The following ABCB11 variants were observed in gnomAD, a reference collection of about 807,000 sequenced individuals.
The protein encoded by ABCB11 is bile salt export pump.
In ABCB11, 95 loss-of-function variants were observed where a neutral mutation model predicts 148.0. The ratio of observed to expected loss-of-function variants is 0.64; its 90% confidence interval spans 0.54 to 0.76. The LOEUF (loss-of-function observed/expected upper bound fraction) is 0.76. Among genes scored for constraint, ABCB11 ranks in the 30% least tolerant of loss-of-function variants. The probability of loss-of-function intolerance (pLI) is 0.00; values close to 1 mark genes in which losing one functional copy is unlikely to be tolerated. For missense variants in ABCB11, 1,523 were observed against 1,617.8 expected (o/e 0.94, Z 1.01); for synonymous variants, 591 against 555.4 (o/e 1.06, Z -0.90).
At chr2:168,932,763 AG>A (rs1053912562) in intron 23 of ABCB11, among the ~76,000 whole-genome samples, 2 of 152,138 alleles carry the variant, frequency 1.3e-5, no homozygotes, top group African/African-American at 4.8e-5. Context: ...ACAAGCATGA[AG>A]GGGGGAGAGC....
At chr2:169,021,631 C>CA (rs1181636593) in intron 1 of ABCB11, among the ~76,000 whole-genome samples, 2 of 151,840 alleles carry the variant, frequency 1.3e-5, no homozygotes, top group Admixed American at 6.6e-5. Flanking sequence ...ATGTAATTTA[C>CA]TACATAAAAT....
At chr2:168,932,639 C>A in intron 23 of ABCB11, 106 bp from the exon 24 acceptor site, 1 of 1,358,018 alleles carries the variant, frequency 7.4e-7, no homozygotes. Context: ...AGGAAAGGAC[C>A]AAATATCCTT....
intron 18 of ABCB11, among the ~76,000 whole-genome samples, chr2:168,961,798 A>G (rs1574436356): frequency 6.6e-6 from 1 of 151,688 alleles, no homozygotes; most frequent in Non-Finnish European, 1.5e-5. Flanking sequence ...TCTAAGTTTT[A>G]GAGTCAATAC....
chr2:168,995,308 CA>C, intron 7 of ABCB11, 40 bp downstream of exon 7: 1 of 1,562,032 alleles, frequency 6.4e-7, no homozygotes, highest in Non-Finnish European at 8.6e-7. Flanking sequence ...TTTTATTATC[CA>C]AAAATCACAC....
chr2:168,973,227 C>A (rs2389607), intron 13 of ABCB11, among the ~76,000 whole-genome samples: 2 of 151,746 alleles, frequency 1.3e-5, no homozygotes, highest in African/African-American at 2.4e-5. Context: ...GACGGGGATA[C>A]GTTCTGAGAA....
chr2:168,964,110 A>G, intron 18 of ABCB11, 96 bp downstream of exon 18: 2 of 852,810 alleles, frequency 2.3e-6, no homozygotes, highest in East Asian at 2.7e-5. Context: ...TGCTAGATAT[A>G]TACCTAGAAA....
intron 7 of ABCB11, among the ~76,000 whole-genome samples, chr2:168,995,092 C>T (rs990669214): frequency 5.3e-5 from 8 of 151,998 alleles, no homozygotes; most frequent in Non-Finnish European, 7.4e-5. Context: ...ACCTTTTTAA[C>T]TGTCTTCTAT....
In ABCB11 at chr2:169,016,816, T is replaced by C. The variant is rs1160543037; in HGVS notation, c.77-17A>G. Reference sequence around the variant, plus strand: ...CATTATTATCTGTCAGAAAAAAAAATCAACGCAAAAAAGCAGTTAATAATA... The same window carrying C: ...CATTATTATCTGTCAGAAAAAAAAACCAACGCAAAAAAGCAGTTAATAATA... On this transcript the variant is annotated splice_polypyrimidine_tract_variant and intron_variant, in intron 2 of 27. Transcript: ENST00000650372. 2 of 1,567,214 alleles carry C rather than the reference T, an allele frequency of 1.3e-6. No individual in the cohort carries two copies. The highest frequency in any genetic ancestry group is 1.7e-6 in the Non-Finnish European group (2 of 1,157,860).
chr2:168,979,828 C>T, intron 11 of ABCB11, 38 bp downstream of exon 11: 4 of 1,304,208 alleles, frequency 3.1e-6, no homozygotes, highest in Non-Finnish European at 4.4e-6. Flanking sequence ...CCCCCAGCCC[C>T]CACCTGTTAA....
intron 1 of ABCB11, among the ~76,000 whole-genome samples, chr2:169,020,965 C>CT (rs200889320): frequency 0.028 from 4,004 of 145,394 alleles, 142 homozygotes; most frequent in African/African-American, 0.087. Flanking sequence ...AAGACATACA[C>CT]TTTTTTTTTT....
intron 16 of ABCB11, 109 bp from the exon 17 acceptor site, chr2:168,968,599 C>A: frequency 1.2e-6 from 1 of 864,974 alleles, no homozygotes; most frequent in Non-Finnish European, 1.7e-6. Flanking sequence ...TGTCAAATGC[C>A]AAAACATTCT....
downstream of ABCB11, among the ~76,000 whole-genome samples, chr2:168,918,680 C>A (rs971787281): frequency 6.6e-6 from 1 of 152,116 alleles, no homozygotes; most frequent in Non-Finnish European, 1.5e-5. Flanking sequence ...TTGACCTTTA[C>A]CCCATCGTCT....
intron 7 of ABCB11, 99 bp downstream of exon 7, chr2:168,995,250 G>T: frequency 7.3e-7 from 1 of 1,365,290 alleles, no homozygotes; most frequent in Admixed American, 2.5e-5. Flanking sequence ...ATGAAACATA[G>T]GAAAACTGAA....
At chr2:169,002,769 AG>A (rs1349812611) in intron 5 of ABCB11, among the ~76,000 whole-genome samples, 1 of 152,112 alleles carries the variant, frequency 6.6e-6, no homozygotes, top group Non-Finnish European at 1.5e-5. Context: ...GTAGTTACTA[AG>A]GGCTAGAGGT....
intron 16 of ABCB11, 77 bp from the exon 17 acceptor site, chr2:168,968,567 T>C: frequency 1.6e-6 from 2 of 1,222,138 alleles, no homozygotes; most frequent in Non-Finnish European, 1.1e-6. Flanking sequence ...CTTTACTATG[T>C]TTGCTTAGAA....
intron 1 of ABCB11, 147 bp from the exon 2 acceptor site, chr2:169,018,299 C>T (rs1695426557): frequency 1.3e-5 from 9 of 670,494 alleles, no homozygotes; most frequent in Non-Finnish European, 2.5e-6. Context: ...TTAATAACTC[C>T]CTGAAAGAGC....
chr2:168,934,321 C>A (rs900455268), intron 23 of ABCB11, among the ~76,000 whole-genome samples: 1 of 151,898 alleles, frequency 6.6e-6, no homozygotes, highest in Non-Finnish European at 1.5e-5. Context: ...AGAAGGAAAC[C>A]CAAGAACCGA....
rs1324107996 is a variant in ABCB11, at chr2:168,926,428, G to C, written c.3618+728C>G. Among the ~76,000 whole-genome samples, 3 of 152,164 alleles carry C rather than the reference G, an allele frequency of 2.0e-5. No individual in the cohort carries two copies. The East Asian group carries it at 5.8e-4, about 29-fold the overall frequency. ...TAACGTTATTTTCTTGCATTTTGCAGATGAAATAGACAATCTCAGAAAGGA... is the reference window on the plus strand; with the variant it reads ...TAACGTTATTTTCTTGCATTTTGCACATGAAATAGACAATCTCAGAAAGGA... On this transcript the variant is annotated intron_variant, in intron 26 of 27. Transcript: ENST00000650372.
chr2:168,989,318 G>A (rs1296795647), intron 9 of ABCB11, among the ~76,000 whole-genome samples: 2 of 152,058 alleles, frequency 1.3e-5, no homozygotes, highest in African/African-American at 4.8e-5. Flanking sequence ...GTGAGGTAAG[G>A]ATCAAATTTC....
Sources: gnomAD v4.1 joint callset for allele counts (sites outside exome capture counted in the v4.1 genomes callset) on GRCh38, gnomAD v4.1.1 for gene constraint, MANE v1.5 for transcripts, NCBI Gene and HGNC (gene_info 2026-07-23, HGNC 2026-07-21) for gene names.